The following RNF185 variants were observed in gnomAD, a reference collection of about 807,000 sequenced individuals.
RNF185 encodes the protein ring finger protein 185, also known as E3 ubiquitin-protein ligase RNF185.
RNF185 carries 13 observed loss-of-function variants against 24.9 expected under a neutral mutation model. The ratio of observed to expected loss-of-function variants is 0.52; its 90% CI spans 0.34 to 0.83. The LOEUF (loss-of-function observed/expected upper bound fraction) is 0.83, where lower values mean the gene tolerates loss of function less well. Ranked by LOEUF, RNF185 falls within the 40% of genes least tolerant of loss-of-function variation. RNF185 has a pLI of 0.01. For missense variants in RNF185, 184 were observed against 244.7 expected (o/e 0.75, Z 1.65); for synonymous variants, 79 against 90.3 (o/e 0.88, Z 0.71).
intron 2 of RNF185, among the ~76,000 whole-genome samples, chr22:31,190,618 A>G (rs1172678234): frequency 6.8e-6 from 1 of 146,614 alleles, no homozygotes; most frequent in Non-Finnish European, 1.5e-5. Context: ...ATGGAGTCTC[A>G]CTGCGTCACC....
intron 1 of RNF185, among the ~76,000 whole-genome samples, chr22:31,167,480 C>G (rs375273419): frequency 9.9e-5 from 15 of 152,126 alleles, no homozygotes; most frequent in East Asian, 3.9e-4. Context: ...TCTCCTCCCC[C>G]CAGCTCCTGG....
chr22:31,184,332 A>T (rs1371849040), intron 1 of RNF185, among the ~76,000 whole-genome samples: 4 of 151,062 alleles, frequency 2.6e-5, no homozygotes, highest in Non-Finnish European at 5.9e-5. Flanking sequence ...GGCGGGGCAG[A>T]GGCGCTCCCC....
chr22:31,187,183 G>C lies in RNF185; in HGVS notation c.89G>C (p.Ser30Thr). Reference sequence around the variant, plus strand: ...GGGAGCAGCAATGGCGCTGGCGAGAGCGGAGGGCAGGACAGCACTTTCGAG... The same window carrying C: ...GGGAGCAGCAATGGCGCTGGCGAGACCGGAGGGCAGGACAGCACTTTCGAG... ...PSGSSNGAGE[S>T]GGQDSTFECN... The change falls in exon 2 of 7, where the codon AGC (serine) becomes ACC (threonine). Residue 30 changes from serine (S) to threonine (T), a missense_variant. Coordinates refer to ENST00000326132, the MANE Select transcript of RNF185 (RefSeq NM_152267.4). 6.2e-7 allele frequency: 1 copy of C among 1,614,016 alleles called. No individual in the cohort carries two copies. Among genetic ancestry groups the C allele is most frequent in the Non-Finnish European group, 8.5e-7 (1 of 1,179,914 alleles).
intron 3 of RNF185, among the ~76,000 whole-genome samples, chr22:31,193,822 A>G (rs2048177867): frequency 6.6e-6 from 1 of 152,124 alleles, no homozygotes; most frequent in Non-Finnish European, 1.5e-5. Flanking sequence ...ACCGAAAAAA[A>G]AATCAAAAAC....
chr22:31,189,208 T>A (rs529029682), intron 2 of RNF185, among the ~76,000 whole-genome samples: 1 of 147,600 alleles, frequency 6.8e-6, no homozygotes, highest in South Asian at 2.1e-4. Flanking sequence ...ATTATAAATT[T>A]TAAGATTATA....
intron 5 of RNF185, among the ~76,000 whole-genome samples, chr22:31,200,907 A>G (rs2048256604): frequency 6.6e-6 from 1 of 152,248 alleles, no homozygotes; most frequent in Non-Finnish European, 1.5e-5. Flanking sequence ...ACATATTGTC[A>G]TGTAGTTGTG....
intron 1 of RNF185, among the ~76,000 whole-genome samples, chr22:31,185,099 G>A (rs1473283569): frequency 2.0e-5 from 3 of 151,938 alleles, no homozygotes; most frequent in East Asian, 3.9e-4. Flanking sequence ...ATCCTAAGAT[G>A]AAGAGAGCAC....
chr22:31,189,663 T>G (rs2048137255), intron 2 of RNF185, among the ~76,000 whole-genome samples: 1 of 150,414 alleles, frequency 6.6e-6, no homozygotes, highest in Non-Finnish European at 1.5e-5. Context: ...TGGAGTGCAG[T>G]GGCACAATCT....
At chr22:31,178,375 T>C (rs961986664) in intron 1 of RNF185, among the ~76,000 whole-genome samples, 1 of 152,220 alleles carries the variant, frequency 6.6e-6, no homozygotes, top group Non-Finnish European at 1.5e-5. Flanking sequence ...TTGATAGAGC[T>C]GTACCCTCTT....
chr22:31,175,257 C>T (rs564298529), intron 1 of RNF185, among the ~76,000 whole-genome samples: 4 of 151,860 alleles, frequency 2.6e-5, no homozygotes, highest in African/African-American at 7.2e-5. Flanking sequence ...CAAGACCAGC[C>T]TGGGCAGCAT....
At chr22:31,192,768 A>C (rs1735596871) in intron 3 of RNF185, 66 bp downstream of exon 3, 12 of 1,460,732 alleles carry the variant, frequency 8.2e-6, no homozygotes, top group Non-Finnish European at 1.2e-5. Context: ...CCCTAGTCTC[A>C]GGAGACTGCT....
chr22:31,191,617 G>A (rs946779624), intron 2 of RNF185, among the ~76,000 whole-genome samples: 1 of 152,132 alleles, frequency 6.6e-6, no homozygotes, highest in Non-Finnish European at 1.5e-5. Context: ...GATCACCTGA[G>A]GTCAGGAGTT....
chr22:31,187,903 A>ACCTCCT lies in RNF185; in HGVS notation c.176+633_176+634insCCTCCT, dbSNP rs2048115158. Among the ~76,000 whole-genome samples, 3 of 145,698 alleles carry ACCTCCT rather than the reference A, an allele frequency of 2.1e-5. No homozygotes were observed. In the South Asian group the frequency reaches 6.7e-4, roughly 32 times the overall value. ...CTCTGAGAACCTAGGTGCTAGGTGA[A>ACCTCCT]GGTCGGATTTTGGTTTTTTGTGTGT... On this transcript the variant is annotated intron_variant, in intron 2 of 6. Transcript: ENST00000326132.
At chr22:31,177,242 A>G (rs181282698) in intron 1 of RNF185, among the ~76,000 whole-genome samples, 4 of 151,932 alleles carry the variant, frequency 2.6e-5, no homozygotes, top group Admixed American at 1.3e-4. Flanking sequence ...GACTGAAAAA[A>G]AAGTTTTATT....
At chr22:31,174,430 A>C (rs2047961527) in intron 1 of RNF185, among the ~76,000 whole-genome samples, 1 of 152,108 alleles carries the variant, frequency 6.6e-6, no homozygotes, top group African/African-American at 2.4e-5. Context: ...CCTAGGTTGG[A>C]GTGCAGTGGC....
chr22:31,180,883 A>G (rs916588219), intron 1 of RNF185, among the ~76,000 whole-genome samples: 1 of 147,196 alleles, frequency 6.8e-6, no homozygotes, highest in Non-Finnish European at 1.5e-5. Context: ...TGATGGTTTA[A>G]TGTGTATTTT....
intron 1 of RNF185, among the ~76,000 whole-genome samples, chr22:31,176,619 G>C (rs2047985513): frequency 1.3e-5 from 2 of 151,528 alleles, no homozygotes; most frequent in Admixed American, 6.6e-5. Flanking sequence ...CTCCCGAGTT[G>C]CTGGGACTAC....
At chr22:31,181,734 C>A (rs941139443) in intron 1 of RNF185, among the ~76,000 whole-genome samples, 2 of 152,000 alleles carry the variant, frequency 1.3e-5, no homozygotes, top group Admixed American at 6.6e-5. Flanking sequence ...AACCATCATT[C>A]TCAGCAAACT....
intron 1 of RNF185, among the ~76,000 whole-genome samples, chr22:31,163,975 C>CTTA (rs899192971): frequency 5.7e-4 from 83 of 145,632 alleles, no homozygotes; most frequent in African/African-American, 1.6e-3. Context: ...TGCCTGGCCC[C>CTTA]TTATTATTAT....
Sources: allele counts gnomAD v4.1 joint callset (sites outside exome capture counted in the v4.1 genomes callset), GRCh38; gene constraint gnomAD v4.1.1; transcripts MANE v1.5; gene names NCBI Gene and HGNC (gene_info 2026-07-23, HGNC 2026-07-21).